ASTN1: variants seen among roughly 807,000 people sequenced by gnomAD.
ASTN1 encodes the protein astrotactin 1.
A neutral mutation model predicts 140.7 loss-of-function variants in ASTN1; 41 were observed. The ratio of observed to expected loss-of-function variants is 0.29; its 90% CI spans 0.23 to 0.38. ASTN1 has a LOEUF of 0.38. Ranked by LOEUF, ASTN1 falls within the 10% of genes least tolerant of loss-of-function variation. The pLI, the probability that ASTN1 is intolerant of heterozygous loss-of-function variation, is 1.00. For missense variants in ASTN1, 1,479 were observed against 1,678.8 expected, an observed-to-expected ratio of 0.88 and a Z score of 2.08; for synonymous variants, 640 against 652.2, an observed-to-expected ratio of 0.98 and a Z score of 0.29.
At chr1:176,953,934 T>G (rs745782704) in intron 11 of ASTN1, among the ~76,000 whole-genome samples, 1 of 152,226 alleles carries the variant, frequency 6.6e-6, no homozygotes, top group Admixed American at 6.5e-5. Context: ...CATTAGAGCA[T>G]GGGTTTTCCT....
chr1:176,945,282 A>T (rs1035614199), intron 13 of ASTN1, among the ~76,000 whole-genome samples: 4 of 152,220 alleles, frequency 2.6e-5, no homozygotes, highest in Non-Finnish European at 5.9e-5. Context: ...GTCTATCAAT[A>T]TGTACAATAT....
At chr1:177,160,991 T>A (rs1252638160) in intron 1 of ASTN1, among the ~76,000 whole-genome samples, 1 of 152,192 alleles carries the variant, frequency 6.6e-6, no homozygotes, top group Non-Finnish European at 1.5e-5. Flanking sequence ...CAAAGCATTT[T>A]AAAAACCATA....
chr1:177,058,787 C>G (rs1161203871), intron 2 of ASTN1, among the ~76,000 whole-genome samples: 1 of 146,982 alleles, frequency 6.8e-6, no homozygotes, highest in Admixed American at 6.9e-5. Context: ...GTGCTCCCAT[C>G]CCCCCAGCAG....
chr1:176,891,033 C>CA (rs1669239039), intron 17 of ASTN1, among the ~76,000 whole-genome samples: 1 of 150,054 alleles, frequency 6.7e-6, no homozygotes, highest in Non-Finnish European at 1.5e-5. Context: ...CTCAAAAAAA[C>CA]AAAAATTAAA....
chr1:176,968,725 T>C (rs957318165), intron 8 of ASTN1, among the ~76,000 whole-genome samples: 1 of 152,214 alleles, frequency 6.6e-6, no homozygotes, highest in Non-Finnish European at 1.5e-5. Context: ...GCCTATTGTG[T>C]GTGAACTGTG....
chr1:176,879,181 C>T (rs968706087), intron 20 of ASTN1, among the ~76,000 whole-genome samples: 1 of 152,300 alleles, frequency 6.6e-6, no homozygotes, highest in Non-Finnish European at 1.5e-5. Context: ...ACAGGGCCTG[C>T]ACCCCTGACT....
intron 14 of ASTN1, among the ~76,000 whole-genome samples, chr1:176,941,361 C>T (rs776678501): frequency 1.1e-4 from 16 of 152,208 alleles, no homozygotes; most frequent in East Asian, 5.8e-4. Context: ...TAAAAACAAA[C>T]GCAAGGTAGA....
intron 21 of ASTN1, among the ~76,000 whole-genome samples, chr1:176,874,079 T>C (rs1343325558): frequency 6.6e-6 from 1 of 152,146 alleles, no homozygotes; most frequent in African/African-American, 2.4e-5. Context: ...GATTTCCCAC[T>C]ACTCACTGCA....
chr1:176,964,573 C>T lies in ASTN1; in HGVS notation c.1598+590G>A, dbSNP rs148908836. On this transcript the variant is annotated intron_variant, in intron 9 of 22. Coordinates refer to ENST00000361833, the MANE Select transcript of ASTN1 (RefSeq NM_004319.3). ...TCCTCTGCTGTGGGCCTTTCTAATA[C>T]GTGCTATTCCCAGGTATGTAGGTAG... is the stretch of plus-strand genomic sequence containing the variant. Among the ~76,000 whole-genome samples, 188 of 152,234 alleles carry T rather than the reference C, an allele frequency of 1.2e-3. 2 individuals are homozygous for T. Among genetic ancestry groups the T allele is most frequent in the Middle Eastern group, 6.8e-3 (2 of 294 alleles).
intron 1 of ASTN1, among the ~76,000 whole-genome samples, chr1:177,109,945 G>A (rs952884434): frequency 9.2e-5 from 14 of 152,142 alleles, no homozygotes; most frequent in African/African-American, 3.1e-4. Flanking sequence ...TCCTTGAAAA[G>A]TTCAGCTGAA....
intron 2 of ASTN1, among the ~76,000 whole-genome samples, chr1:177,045,366 G>A (rs1398449154): frequency 6.6e-6 from 1 of 152,192 alleles, no homozygotes; most frequent in African/African-American, 2.4e-5. Flanking sequence ...TAACTCCAGG[G>A]AGGCACATTC....
intron 1 of ASTN1, among the ~76,000 whole-genome samples, chr1:177,145,163 T>C (rs1455206419): frequency 6.6e-6 from 1 of 152,186 alleles, no homozygotes; most frequent in Non-Finnish European, 1.5e-5. Flanking sequence ...TCCGTTCCTC[T>C]GGAGGTAAAT....
intron 18 of ASTN1, among the ~76,000 whole-genome samples, chr1:176,887,415 C>A (rs1669074228): frequency 6.6e-6 from 1 of 152,128 alleles, no homozygotes. Flanking sequence ...GTTCACTTTC[C>A]ACTTCTCCTT....
At chr1:177,106,030 G>A (rs562263487) in intron 1 of ASTN1, among the ~76,000 whole-genome samples, 4 of 152,054 alleles carry the variant, frequency 2.6e-5, no homozygotes, top group Non-Finnish European at 2.9e-5. Flanking sequence ...ACAAAAACAT[G>A]CAGTACAGAG....
intron 1 of ASTN1, among the ~76,000 whole-genome samples, chr1:177,116,693 C>T (rs1356855245): frequency 6.6e-6 from 1 of 152,168 alleles, no homozygotes; most frequent in Admixed American, 6.5e-5. Context: ...GACTACCTAA[C>T]CCAGTGGGCT....
intron 19 of ASTN1, 108 bp from the exon 20 acceptor site, chr1:176,883,102 C>A: frequency 6.9e-7 from 1 of 1,453,506 alleles, no homozygotes; most frequent in South Asian, 1.2e-5. Flanking sequence ...ATTTGGTCCT[C>A]AATCTCTAGA....
chr1:177,151,627 A>T (rs746603272), intron 1 of ASTN1, among the ~76,000 whole-genome samples: 9 of 152,096 alleles, frequency 5.9e-5, no homozygotes, highest in Non-Finnish European at 1.3e-4. Context: ...ATCACTCATC[A>T]CAGAATTGTT....
intron 11 of ASTN1, among the ~76,000 whole-genome samples, chr1:176,951,238 A>G (rs1433122475): frequency 6.6e-6 from 1 of 152,216 alleles, no homozygotes; most frequent in Non-Finnish European, 1.5e-5. Context: ...CAAATGAGGC[A>G]GCTGAGGATT....
chr1:176,951,078 C>G (rs1672172516), intron 11 of ASTN1, among the ~76,000 whole-genome samples: 1 of 152,208 alleles, frequency 6.6e-6, no homozygotes, highest in African/African-American at 2.4e-5. Flanking sequence ...CAAATGGCCC[C>G]CTGTGGGCCT....
Sources: allele counts gnomAD v4.1 joint callset (sites outside exome capture counted in the v4.1 genomes callset), GRCh38; gene constraint gnomAD v4.1.1; transcripts MANE v1.5; gene names NCBI Gene and HGNC (gene_info 2026-07-23, HGNC 2026-07-21).